PPP1R12B: variants seen among roughly 807,000 people sequenced by gnomAD.
PPP1R12B encodes the protein myosin phosphatase target subunit 2.
PPP1R12B carries 76 observed loss-of-function variants against 126.1 expected under a neutral mutation model. The observed-to-expected ratio is 0.60, with a 90% CI of 0.50 to 0.73. The LOEUF (loss-of-function observed/expected upper bound fraction) is 0.73, where lower values mean the gene tolerates loss of function less well. PPP1R12B is among the 30% of genes least tolerant of loss of function. The pLI, the probability that PPP1R12B is intolerant of heterozygous loss-of-function variation, is 0.00. For synonymous variants in PPP1R12B, 356 were observed against 434.7 expected (o/e 0.82, Z 2.25); for missense variants, 1,052 against 1,205.1 (o/e 0.87, Z 1.88).
intron 12 of PPP1R12B, among the ~76,000 whole-genome samples, chr1:202,444,365 A>G (rs1466990839): frequency 2.0e-5 from 3 of 152,188 alleles, no homozygotes; most frequent in East Asian, 1.9e-4. Context: ...TTTTCCTGCA[A>G]TTGAGATGGT....
chr1:202,375,780 C>A (rs1186348539), intron 1 of PPP1R12B, among the ~76,000 whole-genome samples: 2 of 152,200 alleles, frequency 1.3e-5, no homozygotes, highest in African/African-American at 4.8e-5. Context: ...GTCTCAAATG[C>A]CTGGCCTCAA....
intron 18 of PPP1R12B, among the ~76,000 whole-genome samples, chr1:202,513,509 A>G (rs1572348968): frequency 6.6e-6 from 1 of 152,322 alleles, no homozygotes; most frequent in African/African-American, 2.4e-5. Context: ...TAAATGTCCT[A>G]TAGGCAATTA....
chr1:202,409,348 A>G (rs934349901), intron 1 of PPP1R12B, among the ~76,000 whole-genome samples: 3 of 148,578 alleles, frequency 2.0e-5, no homozygotes, highest in Admixed American at 6.7e-5. Context: ...TTTGAGATGG[A>G]GTCTTGCTCT....
chr1:202,524,098 C>A (rs2148921610), intron 18 of PPP1R12B, among the ~76,000 whole-genome samples: 1 of 152,302 alleles, frequency 6.6e-6, no homozygotes, highest in East Asian at 1.9e-4. Flanking sequence ...GCAGCTATTT[C>A]AGTAATCCAG....
intron 13 of PPP1R12B, among the ~76,000 whole-genome samples, chr1:202,477,385 AC>A (rs1676800734): frequency 6.6e-6 from 1 of 152,190 alleles, no homozygotes; most frequent in Non-Finnish European, 1.5e-5. Flanking sequence ...ACAATCACCT[AC>A]CAAGTAAGCT....
chr1:202,349,616 A>C (rs1655572279), intron 1 of PPP1R12B, among the ~76,000 whole-genome samples: 1 of 152,122 alleles, frequency 6.6e-6, no homozygotes, highest in South Asian at 2.1e-4. Context: ...CAGGTCTGAA[A>C]CCACACCTCT....
chr1:202,431,966 A>C (rs1196093154), intron 8 of PPP1R12B, among the ~76,000 whole-genome samples: 1 of 152,212 alleles, frequency 6.6e-6, no homozygotes, highest in East Asian at 1.9e-4. Flanking sequence ...AAAAAAATTT[A>C]AAAAGAAAAG....
At chr1:202,394,406 A>AT (rs1231638845) in intron 1 of PPP1R12B, among the ~76,000 whole-genome samples, 2 of 152,002 alleles carry the variant, frequency 1.3e-5, no homozygotes, top group African/African-American at 4.8e-5. Context: ...TTAGATTTTA[A>AT]TTTTTTTTCT....
At chr1:202,361,039 C>T (rs367878361) in intron 1 of PPP1R12B, among the ~76,000 whole-genome samples, 22 of 152,008 alleles carry the variant, frequency 1.4e-4, no homozygotes, top group East Asian at 9.7e-4. Flanking sequence ...TACAGGTGCC[C>T]GCCACCACAC....
chr1:202,479,089 C>T (rs1677030956), intron 13 of PPP1R12B, among the ~76,000 whole-genome samples: 1 of 152,142 alleles, frequency 6.6e-6, no homozygotes, highest in South Asian at 2.1e-4. Context: ...ATCTGGACTA[C>T]AGCTTTAGTT....
At chr1:202,530,438 A>T (rs1296469612) in intron 18 of PPP1R12B, among the ~76,000 whole-genome samples, 2 of 152,248 alleles carry the variant, frequency 1.3e-5, no homozygotes, top group African/African-American at 4.8e-5. Flanking sequence ...CACATTAAAA[A>T]GAGATAGGTT....
At chr1:202,564,311 C>G (rs1687842784) in intron 20 of PPP1R12B, 132 bp from the exon 21 acceptor site, 3 of 580,288 alleles carry the variant, frequency 5.2e-6, no homozygotes, top group Admixed American at 2.9e-5. Context: ...TACTCTGCTC[C>G]CTACCCTTCC....
chr1:202,453,533 G>A (rs4950850), intron 13 of PPP1R12B, among the ~76,000 whole-genome samples: 65,328 of 151,160 alleles, frequency 0.43, 15,485 homozygotes, highest in East Asian at 0.7. Flanking sequence ...TTCTTCTTTA[G>A]GTGTTTGGTA....
intron 22 of PPP1R12B, 109 bp downstream of exon 22, chr1:202,567,940 G>T: frequency 1.5e-6 from 2 of 1,294,332 alleles, no homozygotes; most frequent in Non-Finnish European, 2.2e-6. Flanking sequence ...GAAGGAGGGA[G>T]TTCTGCCACA....
At chr1:202,353,247 A>G (rs1335891925) in intron 1 of PPP1R12B, among the ~76,000 whole-genome samples, 1 of 152,188 alleles carries the variant, frequency 6.6e-6, no homozygotes, top group East Asian at 1.9e-4. Context: ...CTTTTATTCT[A>G]CATTTATTAC....
At chr1:202,379,209 A>C (rs1304964270) in intron 1 of PPP1R12B, among the ~76,000 whole-genome samples, 1 of 152,176 alleles carries the variant, frequency 6.6e-6, no homozygotes, top group East Asian at 1.9e-4. Flanking sequence ...ATCCTATCAC[A>C]AAATTTGTTG....
intron 1 of PPP1R12B, among the ~76,000 whole-genome samples, chr1:202,394,537 C>G (rs1362285178): frequency 1.3e-5 from 2 of 151,830 alleles, no homozygotes; most frequent in African/African-American, 4.8e-5. Flanking sequence ...AGCGGATCAC[C>G]TGAGGTTGGG....
chr1:202,575,851 G>C (rs1032078669), intron 23 of PPP1R12B: 1 of 152,146 alleles, frequency 6.6e-6, no homozygotes, highest in African/African-American at 2.4e-5. Context: ...CAGTCCTCAC[G>C]GCTGACAACA....
Position 202,569,268 on chromosome 1 carries a change from T to C in PPP1R12B, c.2862+71T>C, listed in dbSNP as rs933256622. 3.7e-5 allele frequency: 54 copies of C among 1,463,342 alleles called. No homozygotes were observed. The African/African-American group carries it at 7.4e-4, about 20-fold the overall frequency. 90.6% of individuals were successfully genotyped at this position (1,463,342 alleles called of 1,614,324 possible). On this transcript the variant is annotated intron_variant, in intron 23 of 23. Coordinates refer to ENST00000608999, the MANE Select transcript of PPP1R12B (RefSeq NM_002481.4). ...CCTGCCAAGACTGGATATTTGAGCA[T>C]AGGCCTGCCCCCTCCAGATTTCACT...
Sources: allele counts gnomAD v4.1 joint callset (sites outside exome capture counted in the v4.1 genomes callset), GRCh38; gene constraint gnomAD v4.1.1; transcripts MANE v1.5; gene names NCBI Gene and HGNC (gene_info 2026-07-23, HGNC 2026-07-21).